The following AFF3 variants were observed in gnomAD, a reference collection of about 807,000 sequenced individuals.
AFF3 encodes the protein ALF transcription elongation factor 3, also known as AF4/FMR2 family member 3.
In AFF3, 32 loss-of-function variants were observed where a neutral mutation model predicts 129.7. That is an observed-to-expected ratio of 0.25 (90% confidence interval 0.19 to 0.33). The LOEUF is 0.33. Ranked by LOEUF, AFF3 falls within the 10% of genes least tolerant of loss-of-function variation. The pLI is 1.00. For missense variants in AFF3, 1,373 were observed against 1,592.0 expected (o/e 0.86, Z 2.34); for synonymous variants, 644 against 635.4 (o/e 1.01, Z -0.20).
chr2:100,122,115 G>T (rs1375039345), intron 2 of AFF3, among the ~76,000 whole-genome samples: 1 of 152,208 alleles, frequency 6.6e-6, no homozygotes, highest in Non-Finnish European at 1.5e-5. Flanking sequence ...ATGCTATTTT[G>T]CCACAAGTTG....
chr2:99,716,034 T>C (rs1169948401), intron 11 of AFF3, among the ~76,000 whole-genome samples: 1 of 152,186 alleles, frequency 6.6e-6, no homozygotes, highest in Non-Finnish European at 1.5e-5. Context: ...TATCTACAAA[T>C]GTAGAAGGAT....
At chr2:99,696,227 G>A (rs1575722194) in intron 11 of AFF3, among the ~76,000 whole-genome samples, 1 of 152,048 alleles carries the variant, frequency 6.6e-6, no homozygotes, top group Non-Finnish European at 1.5e-5. Flanking sequence ...TTGCTGCTTG[G>A]AAGAACTATA....
chr2:99,868,241 A>G (rs1691591638), intron 7 of AFF3, among the ~76,000 whole-genome samples: 2 of 152,214 alleles, frequency 1.3e-5, no homozygotes, highest in African/African-American at 4.8e-5. Flanking sequence ...AAGCCAATGT[A>G]GTAATAACCA....
chr2:100,131,951 G>T (rs1321976412), intron 1 of AFF3, among the ~76,000 whole-genome samples: 2 of 152,158 alleles, frequency 1.3e-5, no homozygotes, highest in African/African-American at 4.8e-5. Context: ...AGGAGTCAGG[G>T]TGGGATGGAG....
chr2:99,888,469 T>C (rs1276122592), intron 7 of AFF3, among the ~76,000 whole-genome samples: 1 of 152,260 alleles, frequency 6.6e-6, no homozygotes, highest in African/African-American at 2.4e-5. Flanking sequence ...GAAATGTTTA[T>C]TCCAATTAAA....
At chr2:99,589,933 T>C (rs1463857826) in intron 15 of AFF3, among the ~76,000 whole-genome samples, 2 of 152,236 alleles carry the variant, frequency 1.3e-5, no homozygotes, top group Non-Finnish European at 1.5e-5. Flanking sequence ...CAGTATTTGC[T>C]ATACACACTG....
At chr2:100,053,544 T>C (rs924975392) in intron 4 of AFF3, among the ~76,000 whole-genome samples, 1 of 152,244 alleles carries the variant, frequency 6.6e-6, no homozygotes, top group Non-Finnish European at 1.5e-5. Context: ...AGATAATGTA[T>C]AAGAAGCACC....
chr2:99,567,221 C>A (rs571045267), intron 19 of AFF3, among the ~76,000 whole-genome samples: 118 of 151,058 alleles, frequency 7.8e-4, no homozygotes, highest in African/African-American at 2.7e-3. Context: ...CTCAAATGAT[C>A]CACCTGCCTT....
intron 7 of AFF3, among the ~76,000 whole-genome samples, chr2:99,928,678 C>G (rs1407221258): frequency 6.6e-6 from 1 of 152,172 alleles, no homozygotes; most frequent in African/African-American, 2.4e-5. Flanking sequence ...CATTTGTCAA[C>G]AGGAAACACA....
At position 99,832,466 on chromosome 2, in the gene AFF3, T is replaced by C. The variant is rs1688575914; in HGVS notation, c.921+5011A>G. ...GAGTCACTGCCAAGTCCACAGATTG[T>C]AGTCACAGGGCCCTGCAACATAGTG... On this transcript the variant is annotated intron_variant, in intron 8 of 24. Coordinates refer to ENST00000672756, the MANE Select transcript of AFF3 (RefSeq NM_001386135.1). 2.0e-5 allele frequency among the ~76,000 whole-genome samples: 3 copies of C among 152,170 alleles called. No homozygotes were observed. The South Asian group carries it at 6.2e-4, about 31-fold the overall frequency.
chr2:100,077,703 A>C (rs1282051615), intron 4 of AFF3, among the ~76,000 whole-genome samples: 1 of 152,146 alleles, frequency 6.6e-6, no homozygotes, highest in African/African-American at 2.4e-5. Flanking sequence ...CTAATACCCA[A>C]ATTCTCTTTC....
At chr2:99,960,100 CA>C in intron 7 of AFF3, among the ~76,000 whole-genome samples, 1 of 151,866 alleles carries the variant, frequency 6.6e-6, no homozygotes, top group East Asian at 1.9e-4. Flanking sequence ...CAGAATAAGC[CA>C]AAATACAATT....
chr2:99,649,751 C>T (rs1220206296), intron 12 of AFF3, 85 bp from the exon 13 acceptor site: 4 of 1,487,500 alleles, frequency 2.7e-6, no homozygotes, highest in African/African-American at 2.8e-5. Flanking sequence ...AAAAAGACCC[C>T]TGCATTACAC....
intron 10 of AFF3, among the ~76,000 whole-genome samples, chr2:99,740,109 A>G: frequency 6.6e-6 from 1 of 151,684 alleles, no homozygotes; most frequent in Non-Finnish European, 1.5e-5. Flanking sequence ...GATGAGTTCC[A>G]ATTTCATCTA....
At chr2:99,727,056 T>C (rs745938102) in intron 11 of AFF3, 21 bp downstream of exon 11, 12 of 1,592,142 alleles carry the variant, frequency 7.5e-6, no homozygotes, top group African/African-American at 1.4e-5. Context: ...GCATCTCTGA[T>C]AGAAAATGAA....
chr2:99,669,789 G>T (rs1686991783), intron 12 of AFF3, among the ~76,000 whole-genome samples: 1 of 152,094 alleles, frequency 6.6e-6, no homozygotes, highest in South Asian at 2.1e-4. Context: ...GGCCAACATG[G>T]TGAAACCCCG....
chr2:99,946,821 T>C (rs536824649), intron 7 of AFF3, among the ~76,000 whole-genome samples: 8 of 152,318 alleles, frequency 5.3e-5, no homozygotes, highest in Non-Finnish European at 7.4e-5. Context: ...ATCTCAGACA[T>C]CTCTGCATCC....
intron 7 of AFF3, among the ~76,000 whole-genome samples, chr2:99,988,376 G>T (rs551931586): frequency 1.3e-5 from 2 of 152,280 alleles, no homozygotes; most frequent in East Asian, 3.9e-4. Context: ...ATGTTAGGGG[G>T]ACAACAGTCA....
At chr2:99,907,353 G>A (rs1453166334) in intron 7 of AFF3, among the ~76,000 whole-genome samples, 1 of 152,114 alleles carries the variant, frequency 6.6e-6, no homozygotes, top group Non-Finnish European at 1.5e-5. Context: ...GCAAAACTCA[G>A]TCATTCTATG....
Sources: allele counts gnomAD v4.1 joint callset (sites outside exome capture counted in the v4.1 genomes callset), GRCh38; gene constraint gnomAD v4.1.1; transcripts MANE v1.5; gene names NCBI Gene and HGNC (gene_info 2026-07-23, HGNC 2026-07-21).